IQGAP1: variants seen among roughly 807,000 people sequenced by gnomAD.
IQGAP1 encodes IQ motif containing GTPase activating protein 1, also known as ras GTPase-activating-like protein IQGAP1.
Under a neutral mutation model 215.6 loss-of-function variants are expected in IQGAP1, and 66 were observed. The observed-to-expected ratio is 0.31, with a 90% CI of 0.25 to 0.38. The LOEUF is 0.38. Among genes scored for constraint, IQGAP1 ranks in the 10% least tolerant of loss-of-function variants. The pLI, the probability that IQGAP1 is intolerant of heterozygous loss-of-function variation, is 1.00. For synonymous variants in IQGAP1, 772 were observed against 728.7 expected (o/e 1.06, Z -0.96); for missense variants, 1,712 against 1,997.1 (o/e 0.86, Z 2.72).
chr15:90,492,512 G>A lies in IQGAP1; in HGVS notation c.4462-33G>A, dbSNP rs150185841. The A allele has an allele frequency of 4.8e-4, 746 of 1,552,788 alleles. 3 individuals carry two copies. The Middle Eastern group carries it at 9.8e-3, about 20-fold the overall frequency. ...GTGTGAAATGATAATGATAACTGTC[G>A]TTATTTTTCTAACTTTAATAATTAT... On this transcript the variant is annotated intron_variant, in intron 34 of 37. Transcript: ENST00000268182.
rs953551810 is a variant in IQGAP1 at position 90,477,726 on chromosome 15, G to A, written c.3166G>A (p.Val1056Ile). ...TGNPTVIKMV[V>I]SFNRGARGQN... is the part of the protein sequence containing the mutation. ...AAATCCTACGGTTATTAAAATGGTT[G>A]TAAGTTTCAACCGTGGTGCCCGTGG... is the stretch of plus-strand genomic sequence containing the variant. The change falls in exon 26 of 38, where the codon GTA becomes ATA. Residue 1056 changes from valine to isoleucine, a missense_variant. Physicochemically the swap from Val to Ile is conservative, Grantham distance 29. Coordinates refer to ENST00000268182, the MANE Select transcript of IQGAP1 (RefSeq NM_003870.4). 2 of 1,613,902 alleles carry A rather than the reference G, an allele frequency of 1.2e-6. No individual in the cohort carries two copies. Among genetic ancestry groups the A allele is most frequent in the East Asian group, 2.2e-5 (1 of 44,892 alleles).
At chr15:90,470,023 C>A (rs574520077) in intron 18 of IQGAP1, among the ~76,000 whole-genome samples, 94 of 152,144 alleles carry the variant, frequency 6.2e-4, no homozygotes, top group African/African-American at 2.2e-3. Context: ...TTCAGGGACA[C>A]CTTTGAGAAT....
In IQGAP1 at chr15:90,490,932, C is replaced by T. The variant is rs568064594; in HGVS notation, c.4249-401C>T. On this transcript the variant is annotated intron_variant, in intron 33 of 37. Coordinates refer to ENST00000268182, the MANE Select transcript of IQGAP1 (RefSeq NM_003870.4). ...CACGCCATTCTCCTGCCTCAGCCTC[C>T]TGAGTAGCTGGGACTACAGGCACTC... 1.2e-4 allele frequency among the ~76,000 whole-genome samples: 18 copies of T among 152,342 alleles called. 1 individual carries two copies. In the South Asian group the frequency reaches 2.9e-3, roughly 25 times the overall value.
chr15:90,441,447 C>A (rs1965447761), intron 7 of IQGAP1, 59 bp from the exon 8 acceptor site: 1 of 1,423,682 alleles, frequency 7.0e-7, no homozygotes, highest in Non-Finnish European at 9.7e-7. Context: ...TGATATACAT[C>A]CTGTAATCTA....
chr15:90,443,642 C>A (rs979805438), intron 9 of IQGAP1, among the ~76,000 whole-genome samples, 164 bp downstream of exon 9: 1 of 152,132 alleles, frequency 6.6e-6, no homozygotes, highest in Admixed American at 6.5e-5. Context: ...TCTATGCCTC[C>A]GTTTTAATTA....
In IQGAP1 at chr15:90,453,203, A is replaced by T; in HGVS notation, c.1398A>T (p.Ala466=). 2 of 1,613,864 alleles carry T rather than the reference A, an allele frequency of 1.2e-6. No homozygotes were observed. Among genetic ancestry groups the T allele is most frequent in the Non-Finnish European group, 1.7e-6 (2 of 1,179,782 alleles). The change falls in exon 13 of 38, where the codon GCA becomes GCT. Residue 466 remains alanine, a synonymous_variant. Transcript: ENST00000268182. The stretch of plus-strand genomic sequence containing the variant: ...CATCGGTGGCCCTGATCAACAGGGC[A>T]TTGGAATCAGGAGATGTGAATACAG... ...MLSSVALINR[A]LESGDVNTVW... is the part of the protein sequence containing the mutation.
rs1167738941 is a variant in IQGAP1, at chr15:90,486,960, G to A, written c.4031G>A (p.Ser1344Asn). ...VPTIESLIGE[S>N]SGNLNDPNKE... Reference sequence around the variant, plus strand: ...CACCCTCCCAAAACTTCAGGGGAAAGCTCTGGCAATTTAAATGACCCAAAT... The same window carrying A: ...CACCCTCCCAAAACTTCAGGGGAAAACTCTGGCAATTTAAATGACCCAAAT... Residue 1344 changes from serine (S) to asparagine (N), a missense_variant, in exon 32 of 38, where the codon AGC becomes AAC. Around this residue, in one of 2 missense-constraint regions of IQGAP1, gnomAD observed 691 missense variants for 923.0 expected, o/e 0.75. Transcript: ENST00000268182. 1 of 1,614,048 alleles carries A rather than the reference G, an allele frequency of 6.2e-7. No individual in the cohort carries two copies. The highest frequency in any genetic ancestry group is 8.5e-7 in the Non-Finnish European group (1 of 1,179,992).
At chr15:90,492,481 G>A in intron 34 of IQGAP1, 64 bp from the exon 35 acceptor site, 1 of 1,290,136 alleles carries the variant, frequency 7.8e-7, no homozygotes, top group East Asian at 2.5e-5. Flanking sequence ...GCATTGCTGG[G>A]TTGTAGTGTG....
At chr15:90,485,948 T>G in intron 30 of IQGAP1, 82 bp from the exon 31 acceptor site, 1 of 1,024,702 alleles carries the variant, frequency 9.8e-7, no homozygotes, top group Non-Finnish European at 1.5e-6. Context: ...AACCTCTTTG[T>G]GCAGATCATT....
chr15:90,396,801 G>A (rs1461723957), intron 2 of IQGAP1, among the ~76,000 whole-genome samples: 1 of 152,032 alleles, frequency 6.6e-6, no homozygotes, highest in Admixed American at 6.6e-5. Context: ...CATTCCTAAT[G>A]TGGCTGCCGA....
chr15:90,460,142 G>A (rs1965741460), intron 15 of IQGAP1, among the ~76,000 whole-genome samples: 2 of 152,184 alleles, frequency 1.3e-5, no homozygotes, highest in Admixed American at 1.3e-4. Flanking sequence ...TCCATAGAGT[G>A]AAGTGGAAGC....
intron 36 of IQGAP1, among the ~76,000 whole-genome samples, chr15:90,495,612 A>C (rs1319875674): frequency 1.3e-5 from 2 of 149,462 alleles, no homozygotes; most frequent in African/African-American, 4.9e-5. Context: ...ATATAAATAC[A>C]TATATATATA....
At chr15:90,392,800 A>G (rs142755404) in intron 2 of IQGAP1, among the ~76,000 whole-genome samples, 2,532 of 126,894 alleles carry the variant, frequency 0.02, 56 homozygotes, top group East Asian at 0.13. Context: ...GCTGGAGGGC[A>G]GTGGCGCAAT....
intron 2 of IQGAP1, among the ~76,000 whole-genome samples, chr15:90,422,638 ATGTATATGTATATATATATATG>A (rs1567120933): frequency 0.045 from 3,524 of 77,968 alleles, 214 homozygotes; most frequent in East Asian, 0.12. Flanking sequence ...ATATATATAT[ATGTATATGTATATATATATATG>A]TATATATATA....
In IQGAP1 at chr15:90,481,946, T is replaced by G; in HGVS notation, c.3330-14T>G. 1.2e-6 allele frequency: 2 copies of G among 1,613,966 alleles called. No individual in the cohort carries two copies. Among genetic ancestry groups the G allele is most frequent in the Non-Finnish European group, 1.7e-6 (2 of 1,179,868 alleles). The stretch of plus-strand genomic sequence containing the variant: ...TTAGTCTAACATAGTTGGGTATAAT[T>G]TCTGTCTTCCCAGCAAACTGCCCTA... On this transcript the variant is annotated splice_polypyrimidine_tract_variant and intron_variant, in intron 26 of 37. Transcript: ENST00000268182.
intron 2 of IQGAP1, among the ~76,000 whole-genome samples, chr15:90,402,080 T>TCAA (rs1964812714): frequency 6.6e-6 from 1 of 152,148 alleles, no homozygotes; most frequent in Admixed American, 6.5e-5. Context: ...AAGTAACTTG[T>TCAA]GTAGTTTTCA....
chr15:90,453,023 A>G, intron 12 of IQGAP1, 85 bp downstream of exon 12: 1 of 1,559,242 alleles, frequency 6.4e-7, no homozygotes, highest in Non-Finnish European at 8.7e-7. Flanking sequence ...GTTAGGTAGA[A>G]CTTTTTTGCA....
chr15:90,485,550 C>T (rs924623379), intron 30 of IQGAP1, among the ~76,000 whole-genome samples: 4 of 152,178 alleles, frequency 2.6e-5, no homozygotes, highest in African/African-American at 7.2e-5. Context: ...AGCAATTCTT[C>T]TGCATCAGCC....
intron 8 of IQGAP1, among the ~76,000 whole-genome samples, chr15:90,442,827 C>G (rs1745050322): frequency 6.6e-6 from 1 of 152,122 alleles, no homozygotes; most frequent in Non-Finnish European, 1.5e-5. Context: ...AAAAAATTAA[C>G]TGGGCATGAT....
Sources: gnomAD v4.1 joint callset for allele counts (sites outside exome capture counted in the v4.1 genomes callset) on GRCh38, gnomAD v4.1.1 for gene constraint, gnomAD v4.1.1 regional missense constraint, MANE v1.5 for transcripts, NCBI Gene and HGNC (gene_info 2026-07-23, HGNC 2026-07-21) for gene names.